Variants in NOS1 observed in about 807,000 individuals in gnomAD.
NOS1 encodes the protein NOS type I.
In NOS1, 51 loss-of-function variants were observed where a neutral mutation model predicts 164.5. The observed-to-expected ratio is 0.31, with a 90% CI of 0.25 to 0.39. The LOEUF is 0.39. Ranked by LOEUF, NOS1 falls within the 10% of genes least tolerant of loss-of-function variation. The probability of loss-of-function intolerance (pLI) is 1.00; values close to 1 mark genes in which losing one functional copy is unlikely to be tolerated. For synonymous variants in NOS1, 719 were observed against 745.8 expected (o/e 0.96, Z 0.59); for missense variants, 1,362 against 1,885.6 (o/e 0.72, Z 5.14).
At chr12:117,302,157 CCTGATATTG>C (rs1873854261) in intron 3 of NOS1, 1 of 448,972 alleles carries the variant, frequency 2.2e-6, no homozygotes, top group Non-Finnish European at 4.5e-6. Context: ...TAGCACAGTA[CCTGATATTG>C]CTCAATAAAT....
intron 9 of NOS1, 88 bp downstream of exon 9, chr12:117,277,871 A>C (rs1401209895): frequency 2.1e-6 from 3 of 1,463,074 alleles, no homozygotes; most frequent in Non-Finnish European, 2.8e-6. Context: ...TCTGGACTAG[A>C]AAGAAAGCCA....
chr12:117,220,149 C>T lies in NOS1; in HGVS notation c.4096G>A (p.Ala1366Thr). The T allele has an allele frequency of 6.2e-7, 1 of 1,614,032 alleles. No individual in the cohort carries two copies. The highest frequency in any genetic ancestry group is 8.5e-7 in the Non-Finnish European group (1 of 1,180,008). ...TGCTGGGTCATGATGCGCTGGATGG[C>T]TTTGAGGACATCAGCAGCCATGGTG... is the stretch of plus-strand genomic sequence containing the variant. ...DVTMAADVLK[A>T]IQRIMTQQGK... Residue 1366 changes from alanine to threonine, a missense_variant, in exon 27 of 29, where the codon GCC (alanine) becomes ACC (threonine). By Grantham distance (58) the Ala-to-Thr change is moderately conservative (BLOSUM62 0). Around this residue, in one of 4 missense-constraint regions of NOS1, gnomAD observed 737 missense variants for 1,030.3 expected, o/e 0.72. Coordinates refer to ENST00000317775, the MANE Select transcript of NOS1 (RefSeq NM_000620.5).
chr12:117,242,933 C>T (rs1019036975), intron 19 of NOS1, among the ~76,000 whole-genome samples: 1 of 152,200 alleles, frequency 6.6e-6, no homozygotes, highest in African/African-American at 2.4e-5. Context: ...TCACCCTCTA[C>T]TGACACTTCC....
chr12:117,209,863 C>T lies in NOS1; in HGVS notation c.*5446G>A. 1.0e-6 allele frequency: 1 copy of T among 985,500 alleles called. No individual in the cohort carries two copies. The highest frequency in any genetic ancestry group is 1.2e-6 in the Non-Finnish European group (1 of 829,966). 61.0% of individuals were successfully genotyped at this position (985,500 alleles called of 1,614,324 possible). On this transcript the variant is annotated 3_prime_UTR_variant, in exon 29 of 29. Transcript: ENST00000317775. ...GGCAGAGGCCAGGCCAGGTTGGCCT[C>T]CAAAGTCAAATCCCTGTTCATGGGG...
At chr12:117,318,778 C>G (rs1052528380) in intron 2 of NOS1, among the ~76,000 whole-genome samples, 2 of 152,202 alleles carry the variant, frequency 1.3e-5, no homozygotes, top group Non-Finnish European at 2.9e-5. Flanking sequence ...TTCCGGCCAA[C>G]CAGACAAGGA....
chr12:117,297,192 G>A (rs1873472995), intron 3 of NOS1, among the ~76,000 whole-genome samples: 1 of 152,216 alleles, frequency 6.6e-6, no homozygotes, highest in Non-Finnish European at 1.5e-5. Flanking sequence ...AGGAGGGAGA[G>A]GGTCAAGGCA....
chr12:117,289,619 C>T (rs543128552), intron 4 of NOS1, among the ~76,000 whole-genome samples: 4 of 152,214 alleles, frequency 2.6e-5, no homozygotes, highest in Non-Finnish European at 5.9e-5. Flanking sequence ...AACCCATCAT[C>T]TAGGTTTTAA....
intron 28 of NOS1, among the ~76,000 whole-genome samples, chr12:117,216,155 G>A (rs1956606459): frequency 6.6e-6 from 1 of 151,462 alleles, no homozygotes; most frequent in South Asian, 2.1e-4. Flanking sequence ...TGGGATTACA[G>A]GTGTGAGCCA....
At chr12:117,282,216 G>GAA (rs879655686) in intron 7 of NOS1, among the ~76,000 whole-genome samples, 7 of 141,352 alleles carry the variant, frequency 5.0e-5, no homozygotes, top group African/African-American at 1.6e-4. Context: ...ATCAGGATTG[G>GAA]AAAAAAAAAA....
chr12:117,275,220 G>A (rs1873087101), intron 9 of NOS1, among the ~76,000 whole-genome samples: 1 of 151,168 alleles, frequency 6.6e-6, no homozygotes, highest in African/African-American at 2.4e-5. Flanking sequence ...AACTCTACCA[G>A]GTCTGGTGTG....
At chr12:117,271,276 G>A (rs1386645825) in intron 10 of NOS1, among the ~76,000 whole-genome samples, 1 of 148,762 alleles carries the variant, frequency 6.7e-6, no homozygotes, top group Non-Finnish European at 1.5e-5. Flanking sequence ...GATACCGGTG[G>A]CTTTTTTTTT....
chr12:117,245,129 C>T (rs1348902840), intron 18 of NOS1, among the ~76,000 whole-genome samples: 1 of 152,166 alleles, frequency 6.6e-6, no homozygotes. Flanking sequence ...CCTCAGCTTC[C>T]CCATTTGCTC....
intron 4 of NOS1, 81 bp downstream of exon 4, chr12:117,290,217 A>G (rs776193245): frequency 5.8e-6 from 9 of 1,545,280 alleles, no homozygotes; most frequent in Non-Finnish European, 7.9e-6. Flanking sequence ...GACAGCCCCC[A>G]CAACAAAGAC....
chr12:117,311,954 T>C (rs1043300911), intron 2 of NOS1, among the ~76,000 whole-genome samples: 1 of 152,270 alleles, frequency 6.6e-6, no homozygotes, highest in East Asian at 1.9e-4. Context: ...TAATACTCCA[T>C]GTACCATGAA....
chr12:117,334,256 C>T (rs1875694062), intron 1 of NOS1, among the ~76,000 whole-genome samples: 1 of 152,174 alleles, frequency 6.6e-6, no homozygotes, highest in African/African-American at 2.4e-5. Context: ...TCTCTCACAC[C>T]TTGGCTGTAG....
At chr12:117,360,503 C>T (rs1287611799) in intron 1 of NOS1, among the ~76,000 whole-genome samples, 2 of 152,228 alleles carry the variant, frequency 1.3e-5, no homozygotes, top group Non-Finnish European at 2.9e-5. Context: ...CACAACTTTC[C>T]CAGGTTTTGG....
At chr12:117,229,562 T>TTCTATCTATCTATCTATCTA (rs58234141) in intron 22 of NOS1, among the ~76,000 whole-genome samples, 182 of 149,402 alleles carry the variant, frequency 1.2e-3, no homozygotes, top group African/African-American at 3.2e-3. Flanking sequence ...TATCAAATTC[T>TTCTATCTATCTATCTATCTA]TCTATCTATC....
intron 2 of NOS1, among the ~76,000 whole-genome samples, chr12:117,326,568 G>A (rs545580101): frequency 6.6e-6 from 1 of 152,170 alleles, no homozygotes; most frequent in Non-Finnish European, 1.5e-5. Flanking sequence ...TCTAGACCTT[G>A]TTTCTCCTCT....
intron 8 of NOS1, 43 bp from the exon 9 acceptor site, chr12:117,278,141 C>A: frequency 6.4e-7 from 1 of 1,570,030 alleles, no homozygotes. Flanking sequence ...TACCCCACAC[C>A]CTACAAACAC....
Sources: gnomAD v4.1 joint callset for allele counts (sites outside exome capture counted in the v4.1 genomes callset) on GRCh38, gnomAD v4.1.1 for gene constraint, gnomAD v4.1.1 regional missense constraint, MANE v1.5 for transcripts, NCBI Gene and HGNC (gene_info 2026-07-23, HGNC 2026-07-21) for gene names.